IL4I1: variants seen among roughly 807,000 people sequenced by gnomAD.
IL4I1 encodes L-amino-acid oxidase.
In IL4I1, 24 loss-of-function variants were observed where a neutral mutation model predicts 29.7. The ratio of observed to expected loss-of-function variants is 0.81; its 90% CI spans 0.59 to 1.14. The LOEUF is 1.14. Among genes scored for constraint, IL4I1 ranks in the 50% most tolerant of loss-of-function variants. The probability of loss-of-function intolerance (pLI) is 0.00; values close to 1 mark genes in which losing one functional copy is unlikely to be tolerated. For missense variants in IL4I1, 686 were observed against 785.6 expected, an observed-to-expected ratio of 0.87 and a Z score of 1.52; for synonymous variants, 371 against 352.5, an observed-to-expected ratio of 1.05 and a Z score of -0.59.
Position 49,895,810 on chromosome 19 carries a change from C to T in IL4I1, c.252+5G>A. On this transcript the variant is annotated splice_donor_5th_base_variant and intron_variant, in intron 3 of 7. Coordinates refer to ENST00000391826, the MANE Select transcript of IL4I1 (RefSeq NM_152899.2). ...TCCAGGTAGACTGCAAGCAGTGCTT[C>T]CCACCTTGTGTCCAGCATCGCTGAG... is the stretch of plus-strand genomic sequence containing the variant. 3 of 1,582,676 alleles carry T rather than the reference C, an allele frequency of 1.9e-6. No individual in the cohort carries two copies. The African/African-American group carries it at 4.1e-5, about 21-fold the overall frequency.
At chr19:49,912,239 G>A (rs1015096616) in intron 2 of IL4I1, among the ~76,000 whole-genome samples, 9 of 144,824 alleles carry the variant, frequency 6.2e-5, no homozygotes, top group African/African-American at 1.8e-4. Context: ...GCATGATCTC[G>A]GCTCACTGCA....
intron 2 of IL4I1, among the ~76,000 whole-genome samples, chr19:49,916,211 T>C (rs902146082): frequency 2.0e-5 from 3 of 152,110 alleles, no homozygotes; most frequent in Admixed American, 2.0e-4. Context: ...GAGAGTTTCA[T>C]TGAGGAAAAG....
At chr19:49,929,168 C>T (rs528479000) in intron 1 of IL4I1, 1 of 148,900 alleles carries the variant, frequency 6.7e-6, no homozygotes, top group Non-Finnish European at 1.5e-5. Flanking sequence ...GCTCCGCCAC[C>T]CAGTATATAT....
At position 49,923,717 on chromosome 19, in the gene IL4I1, G is replaced by A. The variant is rs1364388274; in HGVS notation, c.-228+3977C>T. 2.0e-5 allele frequency among the ~76,000 whole-genome samples: 3 copies of A among 152,382 alleles called. No individual in the cohort carries two copies. The East Asian group carries it at 5.8e-4, about 29-fold the overall frequency. On this transcript the variant is annotated intron_variant, in intron 2 of 9. Coordinates refer to the IL4I1 transcript ENST00000341114. ...CATTTAATCCTCAAAACCACCGTCT[G>A]CAATGGACCATCTCATCCCCATTTT...
intron 2 of IL4I1, among the ~76,000 whole-genome samples, chr19:49,922,514 C>T (rs1268196538): frequency 6.6e-6 from 1 of 151,862 alleles, no homozygotes; most frequent in East Asian, 1.9e-4. Context: ...ACAGAGGGGA[C>T]CAGCCTCAAT....
At chr19:49,924,566 G>A (rs1425783239) in intron 2 of IL4I1, among the ~76,000 whole-genome samples, 4 of 152,188 alleles carry the variant, frequency 2.6e-5, no homozygotes, top group Admixed American at 6.5e-5. Context: ...CCCCACCCTT[G>A]CTTCAAGCCC....
intron 5 of IL4I1, among the ~76,000 whole-genome samples, chr19:49,891,919 C>T (rs1049251636): frequency 6.6e-6 from 1 of 152,008 alleles, no homozygotes; most frequent in African/African-American, 2.4e-5. Context: ...AAGCTGGTCC[C>T]CTGTGCCACT....
intron 2 of IL4I1, among the ~76,000 whole-genome samples, chr19:49,915,497 A>G (rs1484135496): frequency 3.9e-5 from 6 of 152,172 alleles, no homozygotes; most frequent in Non-Finnish European, 5.9e-5. Flanking sequence ...CACACCATGC[A>G]CCCATTTAGA....
At chr19:49,903,307 T>G (rs946979921) in intron 3 of IL4I1, among the ~76,000 whole-genome samples, 18 of 152,276 alleles carry the variant, frequency 1.2e-4, no homozygotes, top group African/African-American at 4.3e-4. Context: ...CCGGTCTGCT[T>G]CTTGCCTCGG....
intron 2 of IL4I1, among the ~76,000 whole-genome samples, chr19:49,906,233 G>C (rs2075321839): frequency 6.6e-6 from 1 of 151,996 alleles, no homozygotes; most frequent in South Asian, 2.1e-4. Flanking sequence ...TTTTGAGACA[G>C]AGTCTTGCTC....
At chr19:49,916,775 A>C (rs1407648642) in intron 2 of IL4I1, among the ~76,000 whole-genome samples, 4 of 152,080 alleles carry the variant, frequency 2.6e-5, no homozygotes, top group Non-Finnish European at 4.4e-5. Context: ...AAAACAAAAA[A>C]ACAAAAATTA....
chr19:49,896,427 C>T (rs2075211948), intron 1 of IL4I1, among the ~76,000 whole-genome samples: 1 of 151,802 alleles, frequency 6.6e-6, no homozygotes, highest in African/African-American at 2.4e-5. Context: ...CTTCTTTTCC[C>T]TCTTTCTTTC....
At chr19:49,905,955 T>C (rs936289816) in intron 2 of IL4I1, among the ~76,000 whole-genome samples, 2 of 152,108 alleles carry the variant, frequency 1.3e-5, no homozygotes, top group Non-Finnish European at 2.9e-5. Context: ...TTTTGGAACC[T>C]GGGCCATGAA....
chr19:49,896,932 C>T (rs1160810646), upstream of IL4I1: 12 of 964,980 alleles, frequency 1.2e-5, no homozygotes, highest in East Asian at 2.3e-4. Flanking sequence ...GGCAGAGCCC[C>T]GCCCACCCCT....
intron 2 of IL4I1, among the ~76,000 whole-genome samples, chr19:49,920,671 A>G (rs1459886443): frequency 6.6e-6 from 1 of 152,204 alleles, no homozygotes; most frequent in Non-Finnish European, 1.5e-5. Flanking sequence ...GGGCAGGCCC[A>G]TGCCTTCCTT....
chr19:49,900,252 A>C (rs1276893403), upstream of IL4I1, among the ~76,000 whole-genome samples: 1 of 152,212 alleles, frequency 6.6e-6, no homozygotes, highest in Non-Finnish European at 1.5e-5. Context: ...CAGACAGGCC[A>C]GGTGCCCCCA....
rs751086258 is a variant in IL4I1 at position 49,889,678 on chromosome 19, A to G, written c.1696T>C (p.Ser566Pro). Residue 566 changes from serine to proline, a missense_variant, in exon 8 of 8, where the codon TCG becomes CCG. Coordinates refer to ENST00000391826, the MANE Select transcript of IL4I1 (RefSeq NM_152899.2). ...CTTTTTCCGAAAATACTTTAATGCG[A>G]GGTCCTCGTGTGGGTCGTGTTTTGG... ...SLQNTTHTRT[S>P]H 1 of 1,482,280 alleles carries G rather than the reference A, an allele frequency of 6.7e-7. No individual in the cohort carries two copies. The highest frequency in any genetic ancestry group is 9.0e-7 in the Non-Finnish European group (1 of 1,114,300). 91.8% of individuals were successfully genotyped at this position (1,482,280 alleles called of 1,614,324 possible).
intron 3 of IL4I1, among the ~76,000 whole-genome samples, chr19:49,903,841 T>C (rs1363396786): frequency 7.1e-6 from 1 of 141,568 alleles, no homozygotes; most frequent in African/African-American, 2.7e-5. Flanking sequence ...TTTTTTTTTT[T>C]TTTTTTTTTT....
At chr19:49,894,504 C>T in intron 4 of IL4I1, 35 bp from the exon 5 acceptor site, 1 of 1,599,584 alleles carries the variant, frequency 6.3e-7, no homozygotes, top group Non-Finnish European at 8.6e-7. Context: ...GGGCCGGGCT[C>T]CAGTGGGGGT....
Sources: allele counts gnomAD v4.1 joint callset (sites outside exome capture counted in the v4.1 genomes callset), GRCh38; gene constraint gnomAD v4.1.1; transcripts MANE v1.5; gene names NCBI Gene and HGNC (gene_info 2026-07-23, HGNC 2026-07-21).